CCDC91: variants seen among roughly 807,000 people sequenced by gnomAD.
The protein encoded by CCDC91 is coiled-coil domain containing 91.
In CCDC91, 48 loss-of-function variants were observed where a neutral mutation model predicts 63.2. The ratio of observed to expected loss-of-function variants is 0.76; its 90% CI spans 0.60 to 0.97. The LOEUF (loss-of-function observed/expected upper bound fraction) is 0.97, where lower values mean the gene tolerates loss of function less well. CCDC91 is among the 50% of genes least tolerant of loss of function. The pLI, the probability that CCDC91 is intolerant of heterozygous loss-of-function variation, is 0.00. For synonymous variants in CCDC91, 167 were observed against 165.8 expected (o/e 1.01, Z -0.06); for missense variants, 500 against 494.6 (o/e 1.01, Z -0.10).
chr12:28,210,063 C>G (rs753000326), intron 1 of CCDC91, among the ~76,000 whole-genome samples: 15 of 152,122 alleles, frequency 9.9e-5, no homozygotes, highest in African/African-American at 2.9e-4. Context: ...AACAACCAGT[C>G]ATTTTTTACT....
chr12:28,454,506 C>G (rs1255787919), intron 11 of CCDC91, among the ~76,000 whole-genome samples: 1 of 152,146 alleles, frequency 6.6e-6, no homozygotes, highest in Non-Finnish European at 1.5e-5. Context: ...CCAGCTCTTT[C>G]CCTCCCTAGG....
chr12:28,404,017 C>T (rs892982760), intron 8 of CCDC91, among the ~76,000 whole-genome samples: 2 of 151,778 alleles, frequency 1.3e-5, no homozygotes, highest in African/African-American at 4.8e-5. Flanking sequence ...TTTTTAATTT[C>T]ATTGATTTCT....
intron 7 of CCDC91, among the ~76,000 whole-genome samples, chr12:28,370,384 A>T (rs1944540776): frequency 6.6e-6 from 1 of 152,228 alleles, no homozygotes; most frequent in Non-Finnish European, 1.5e-5. Flanking sequence ...GTTAAAGGAT[A>T]GCAAGAGTGA....
intron 8 of CCDC91, among the ~76,000 whole-genome samples, chr12:28,429,938 T>C (rs1948540042): frequency 6.6e-6 from 1 of 152,090 alleles, no homozygotes; most frequent in Non-Finnish European, 1.5e-5. Flanking sequence ...TAGTGGAAAT[T>C]ATTTTGACCT....
chr12:28,409,198 A>G (rs1475197945), intron 8 of CCDC91, among the ~76,000 whole-genome samples: 1 of 152,116 alleles, frequency 6.6e-6, no homozygotes, highest in Non-Finnish European at 1.5e-5. Flanking sequence ...TAATTTTTCC[A>G]TTATTTTAGC....
At chr12:28,380,424 T>G (rs1945228347) in intron 7 of CCDC91, among the ~76,000 whole-genome samples, 1 of 152,120 alleles carries the variant, frequency 6.6e-6, no homozygotes, top group African/African-American at 2.4e-5. Context: ...AACTTTTCTG[T>G]TTTATACTAC....
intron 11 of CCDC91, among the ~76,000 whole-genome samples, chr12:28,458,590 C>T (rs1419479761): frequency 2.0e-5 from 3 of 150,574 alleles, no homozygotes; most frequent in Non-Finnish European, 4.4e-5. Flanking sequence ...CTGCCTCAGC[C>T]TCCTGAATAG....
chr12:28,373,521 G>C lies in CCDC91; in HGVS notation c.654+11006G>C, dbSNP rs1028528694. Reference sequence around the variant, plus strand: ...TTTGTTTGTTATTTATCCTTTCTCTGTTCTTCAGATTGTATGATCTTTATC... The same window carrying C: ...TTTGTTTGTTATTTATCCTTTCTCTCTTCTTCAGATTGTATGATCTTTATC... On this transcript the variant is annotated intron_variant, in intron 7 of 12. Coordinates refer to ENST00000536442, the MANE Select transcript of CCDC91 (RefSeq NM_018318.5). Among the ~76,000 whole-genome samples, 3 of 151,900 alleles carry C rather than the reference G, an allele frequency of 2.0e-5. 1 individual carries two copies. The highest frequency in any genetic ancestry group is 7.3e-5 in the African/African-American group (3 of 41,312).
chr12:28,390,132 C>A (rs1416956529), intron 7 of CCDC91, among the ~76,000 whole-genome samples: 1 of 152,038 alleles, frequency 6.6e-6, no homozygotes, highest in Admixed American at 6.6e-5. Flanking sequence ...GAGAATCTTA[C>A]TTTTGCACAA....
intron 1 of CCDC91, among the ~76,000 whole-genome samples, chr12:28,229,427 A>G (rs556879173): frequency 2.6e-5 from 4 of 152,326 alleles, no homozygotes; most frequent in South Asian, 2.1e-4. Context: ...GAATTAAAAT[A>G]GAGTGATGTG....
At chr12:28,439,970 T>C (rs1354513773) in intron 8 of CCDC91, among the ~76,000 whole-genome samples, 1 of 138,414 alleles carries the variant, frequency 7.2e-6, no homozygotes, top group African/African-American at 2.6e-5. Flanking sequence ...TTCAATTTGC[T>C]AAAAAAAAAA....
intron 7 of CCDC91, among the ~76,000 whole-genome samples, chr12:28,363,070 C>G (rs1944009279): frequency 6.6e-6 from 1 of 151,764 alleles, no homozygotes; most frequent in South Asian, 2.1e-4. Flanking sequence ...TTTTTATTTC[C>G]CTTTAAACTT....
At chr12:28,213,660 C>T in intron 1 of CCDC91, among the ~76,000 whole-genome samples, 1 of 152,192 alleles carries the variant, frequency 6.6e-6, no homozygotes, top group Non-Finnish European at 1.5e-5. Context: ...TCTGCCAAAA[C>T]TACCAGACAT....
intron 8 of CCDC91, among the ~76,000 whole-genome samples, chr12:28,420,833 C>T (rs1481739059): frequency 1.3e-5 from 2 of 150,888 alleles, no homozygotes; most frequent in Admixed American, 6.6e-5. Context: ...TTTTCAATAT[C>T]TGACATTTAG....
At chr12:28,341,398 A>T (rs1235619479) in intron 6 of CCDC91, among the ~76,000 whole-genome samples, 1 of 152,092 alleles carries the variant, frequency 6.6e-6, no homozygotes, top group Non-Finnish European at 1.5e-5. Flanking sequence ...CCCCCCTCCC[A>T]TATCATCACT....
chr12:28,354,352 CT>C (rs1166345204), intron 6 of CCDC91, among the ~76,000 whole-genome samples: 4 of 152,288 alleles, frequency 2.6e-5, no homozygotes, highest in African/African-American at 7.2e-5. Context: ...CCCCTCCTTT[CT>C]CTTGTAAGGA....
chr12:28,522,939 C>T (rs1409009199), intron 12 of CCDC91, among the ~76,000 whole-genome samples: 1 of 152,080 alleles, frequency 6.6e-6, no homozygotes, highest in African/African-American at 2.4e-5. Context: ...GTCTGAGAGA[C>T]AGTTTGTTAT....
At chr12:28,413,314 C>T (rs1024360674) in intron 8 of CCDC91, among the ~76,000 whole-genome samples, 2 of 152,076 alleles carry the variant, frequency 1.3e-5, no homozygotes, top group African/African-American at 4.8e-5. Flanking sequence ...ATTCTTTCCC[C>T]ACAGTTCTTA....
chr12:28,295,345 T>C (rs1043292842), intron 3 of CCDC91, among the ~76,000 whole-genome samples: 1 of 152,130 alleles, frequency 6.6e-6, no homozygotes, highest in Non-Finnish European at 1.5e-5. Flanking sequence ...TTTTTATATT[T>C]AAAATATTTC....
Sources: allele counts gnomAD v4.1 joint callset (sites outside exome capture counted in the v4.1 genomes callset), GRCh38; gene constraint gnomAD v4.1.1; transcripts MANE v1.5; gene names NCBI Gene and HGNC (gene_info 2026-07-23, HGNC 2026-07-21).